NEXMIF: variants seen among roughly 807,000 people sequenced by gnomAD.
NEXMIF encodes neurite extension and migration factor.
In NEXMIF, 8 loss-of-function variants were observed where a neutral mutation model predicts 62.1. The ratio of observed to expected loss-of-function variants is 0.13; its 90% CI spans 0.08 to 0.23. NEXMIF has a LOEUF of 0.23. Ranked by LOEUF, NEXMIF falls within the 10% of genes least tolerant of loss-of-function variation. The pLI is 1.00. For synonymous variants in NEXMIF, 404 were observed against 416.6 expected (o/e 0.97, Z 0.37); for missense variants, 976 against 1,113.3 (o/e 0.88, Z 1.75).
At chrX:74,910,947 C>T (rs138715599) in intron 1 of NEXMIF, among the ~76,000 whole-genome samples, 1 of 112,124 alleles carries the variant, frequency 8.9e-6, no homozygotes, top group African/African-American at 3.2e-5. Context: ...TCTAATTAAA[C>T]CTCTTTTTCT....
intron 1 of NEXMIF, among the ~76,000 whole-genome samples, chrX:74,763,299 G>A (rs963675683): frequency 9.0e-6 from 1 of 110,777 alleles, no homozygotes; most frequent in Admixed American, 9.6e-5. Context: ...TTATTTCTGA[G>A]GCCTCTGTTC....
Position 74,818,946 on chromosome X carries a change from A to G in NEXMIF, c.-47-73249T>C, listed in dbSNP as rs751211981. Reference sequence around the variant, plus strand: ...CAGAATAGCTATCATTCAAAAGTCAAAAAACAACCAATGCTGCTGGTACTG... The same window carrying G: ...CAGAATAGCTATCATTCAAAAGTCAGAAAACAACCAATGCTGCTGGTACTG... On this transcript the variant is annotated intron_variant, in intron 1 of 3. Transcript: ENST00000055682. Among the ~76,000 whole-genome samples, 10 of 111,763 alleles carry G rather than the reference A, an allele frequency of 8.9e-5. No homozygotes were observed. The South Asian group carries it at 1.5e-3, about 17-fold the overall frequency.
chrX:74,790,524 T>C (rs1462376098), intron 1 of NEXMIF, among the ~76,000 whole-genome samples: 1 of 111,278 alleles, frequency 9.0e-6, no homozygotes, highest in African/African-American at 3.2e-5. Context: ...AAGTCATTGG[T>C]AGCTTGATGG....
intron 1 of NEXMIF, among the ~76,000 whole-genome samples, chrX:74,912,621 C>A (rs2080794256): frequency 9.0e-6 from 1 of 111,464 alleles, no homozygotes; most frequent in African/African-American, 3.3e-5. Context: ...CAAACCCTAG[C>A]CATGGACCTC....
intron 1 of NEXMIF, among the ~76,000 whole-genome samples, chrX:74,920,952 A>AT (rs1486265720): frequency 1.6e-4 from 18 of 111,392 alleles, no homozygotes; most frequent in Non-Finnish European, 2.6e-4. Context: ...GAAGCTGAAA[A>AT]TTTTTTTAAT....
intron 1 of NEXMIF, among the ~76,000 whole-genome samples, chrX:74,796,180 T>TAC (rs1556023998): frequency 2.8e-5 from 2 of 71,737 alleles, no homozygotes; most frequent in Non-Finnish European, 2.5e-5. Flanking sequence ...ATTATATATA[T>TAC]ACATATATAT....
In NEXMIF at chrX:74,794,865, C is replaced by G. The variant is rs745903114; in HGVS notation, c.-47-49168G>C. Among the ~76,000 whole-genome samples, 384 of 111,774 alleles carry G rather than the reference C, an allele frequency of 3.4e-3. 2 individuals are homozygous for G. The highest frequency in any genetic ancestry group is 0.012 in the African/African-American group (366 of 30,768). On this transcript the variant is annotated intron_variant, in intron 1 of 3. Coordinates refer to ENST00000055682, the MANE Select transcript of NEXMIF (RefSeq NM_001008537.3). ...CACAGTGCGCGCACCCACTGACCTA[C>G]GCCCACTGTCTGGCACTCCCTAGTG...
At chrX:74,762,381 G>T (rs910612516) in intron 1 of NEXMIF, among the ~76,000 whole-genome samples, 5 of 111,213 alleles carry the variant, frequency 4.5e-5, no homozygotes, top group African/African-American at 1.6e-4. Context: ...CATTTGGGTT[G>T]GTTCCAAGTC....
intron 2 of NEXMIF, among the ~76,000 whole-genome samples, chrX:74,745,095 C>T (rs1390165103): frequency 9.1e-6 from 1 of 109,944 alleles, no homozygotes; most frequent in Non-Finnish European, 1.9e-5. Context: ...GATTCTCATG[C>T]CTCAGCCTCC....
In NEXMIF at chrX:74,743,216, C is replaced by T. The variant is rs752603469; in HGVS notation, c.1341G>A (p.Glu447=). The T allele has an allele frequency of 8.3e-7, 1 of 1,211,196 alleles. No individual in the cohort carries two copies. The change falls in exon 3 of 4, where the codon GAG becomes GAA. Residue 447 remains glutamate (E), a synonymous_variant. Transcript: ENST00000055682. The stretch of plus-strand genomic sequence containing the variant: ...TCTCACCCATAGCATCATATGAGAT[C>T]TCAATGAAGGAACTATCATCACTGA... ...GSFSDDSSFI[E]ISYDAMGEIK...
chrX:74,797,953 G>A (rs1021888867), intron 1 of NEXMIF, among the ~76,000 whole-genome samples: 17 of 112,143 alleles, frequency 1.5e-4, no homozygotes, highest in Admixed American at 2.8e-4. Flanking sequence ...GGGAAATGAG[G>A]GCAACGTGAA....
chrX:74,779,172 C>A (rs1175284711), intron 1 of NEXMIF, among the ~76,000 whole-genome samples: 1 of 112,391 alleles, frequency 8.9e-6, no homozygotes, highest in African/African-American at 3.2e-5. Flanking sequence ...TTGTTTCCAA[C>A]AAATAGATAT....
intron 1 of NEXMIF, among the ~76,000 whole-genome samples, chrX:74,798,465 A>T (rs1471083585): frequency 8.9e-6 from 1 of 112,313 alleles, no homozygotes. Flanking sequence ...CATAGCTTTG[A>T]TGCCAAAGGG....
At chrX:74,797,142 A>C (rs1033166753) in intron 1 of NEXMIF, among the ~76,000 whole-genome samples, 12 of 112,097 alleles carry the variant, frequency 1.1e-4, no homozygotes, top group Admixed American at 4.7e-4. Flanking sequence ...ATTCTGCAAA[A>C]TACCTGACCA....
intron 1 of NEXMIF, among the ~76,000 whole-genome samples, chrX:74,840,012 C>A (rs1232620492): frequency 8.9e-6 from 1 of 111,813 alleles, no homozygotes; most frequent in Non-Finnish European, 1.9e-5. Flanking sequence ...AATAGTTGAA[C>A]TAATTTACAC....
At chrX:74,855,606 C>T (rs2080532152) in intron 1 of NEXMIF, among the ~76,000 whole-genome samples, 1 of 111,854 alleles carries the variant, frequency 8.9e-6, no homozygotes, top group South Asian at 3.7e-4. Context: ...AGGCTGGGTG[C>T]ATGCACAGGA....
In NEXMIF at chrX:74,743,753, A is replaced by G. The variant is rs745329929; in HGVS notation, c.804T>C (p.Ser268=). 1 of 1,211,588 alleles carries G rather than the reference A, an allele frequency of 8.3e-7. No individual in the cohort carries two copies. Among genetic ancestry groups the G allele is most frequent in the African/African-American group, 1.7e-5 (1 of 57,774 alleles). ...AACAGAGGTCAAGCAGTTCAATCTT[A>G]CTTTCACTAATAAAAGTCTCGAAGT... ...WGYFETFISE[S]KIELLDLCSK... The change falls in exon 3 of 4, where the codon AGT becomes AGC. Residue 268 remains serine, a synonymous_variant. Coordinates refer to ENST00000055682, the MANE Select transcript of NEXMIF (RefSeq NM_001008537.3).
chrX:74,884,987 G>C (rs1032273822), intron 1 of NEXMIF, among the ~76,000 whole-genome samples: 9 of 110,881 alleles, frequency 8.1e-5, no homozygotes, highest in Non-Finnish European at 9.4e-5. Context: ...TCAGGATTAA[G>C]AAACTCACTC....
chrX:74,802,467 G>A lies in NEXMIF; in HGVS notation c.-47-56770C>T, dbSNP rs180907402. Among the ~76,000 whole-genome samples, 470 of 111,026 alleles carry A rather than the reference G, an allele frequency of 4.2e-3. 1 individual carries two copies. Among genetic ancestry groups the A allele is most frequent in the East Asian group, 0.014 (48 of 3,499 alleles). ...GATTCTTATTCAAGATCACCAAGGC[G>A]GTACCTCTAAGAGTCTGCAAAAGCC... On this transcript the variant is annotated intron_variant, in intron 1 of 3. Transcript: ENST00000055682.
Sources: allele counts gnomAD v4.1 joint callset (sites outside exome capture counted in the v4.1 genomes callset), GRCh38; gene constraint gnomAD v4.1.1; transcripts MANE v1.5; gene names NCBI Gene and HGNC (gene_info 2026-07-23, HGNC 2026-07-21).